Variants in WAC observed in about 807,000 individuals in gnomAD.
WAC encodes the protein WW domain containing adaptor with coiled-coil.
A neutral mutation model predicts 79.6 loss-of-function variants in WAC; 11 were observed. The ratio of observed to expected loss-of-function variants is 0.14; its 90% confidence interval spans 0.09 to 0.23. The LOEUF (loss-of-function observed/expected upper bound fraction) is 0.23. WAC is among the 10% of genes least tolerant of loss of function. WAC has a pLI of 1.00. For missense variants in WAC, 728 were observed against 773.5 expected (o/e 0.94, Z 0.70); for synonymous variants, 304 against 276.9 (o/e 1.10, Z -0.97).
intron 3 of WAC, among the ~76,000 whole-genome samples, chr10:28,557,330 T>C (rs142516032): frequency 6.6e-6 from 1 of 152,320 alleles, no homozygotes; most frequent in Non-Finnish European, 1.5e-5. Context: ...CTGTCAATAT[T>C]ATACAGTGTC....
intron 3 of WAC, among the ~76,000 whole-genome samples, chr10:28,543,495 C>G (rs764982031): frequency 9.2e-5 from 14 of 152,294 alleles, no homozygotes; most frequent in Non-Finnish European, 1.9e-4. Context: ...GTTTAATTGC[C>G]ACATGTGAAT....
At chr10:28,594,974 A>G (rs1179564587) in intron 6 of WAC, among the ~76,000 whole-genome samples, 1 of 152,198 alleles carries the variant, frequency 6.6e-6, no homozygotes. Flanking sequence ...TTCTGAGCTT[A>G]AAGTATTTTT....
At chr10:28,598,718 G>A (rs1840495830) in intron 7 of WAC, among the ~76,000 whole-genome samples, 1 of 152,182 alleles carries the variant, frequency 6.6e-6, no homozygotes, top group African/African-American at 2.4e-5. Flanking sequence ...AAAACCAAAT[G>A]TAATGAAAGA....
intron 3 of WAC, among the ~76,000 whole-genome samples, chr10:28,581,674 C>T (rs1373891566): frequency 6.6e-6 from 1 of 152,134 alleles, no homozygotes; most frequent in Non-Finnish European, 1.5e-5. Flanking sequence ...CATGCTCCTG[C>T]CTCAGCCTCC....
chr10:28,590,632 T>C, intron 5 of WAC, 88 bp from the exon 6 acceptor site: 1 of 1,055,718 alleles, frequency 9.5e-7, no homozygotes, highest in Non-Finnish European at 1.4e-6. Context: ...TGTATACCAT[T>C]TGTTAGGCAT....
intron 3 of WAC, among the ~76,000 whole-genome samples, chr10:28,568,817 C>T (rs1838791958): frequency 6.6e-6 from 1 of 152,146 alleles, no homozygotes; most frequent in African/African-American, 2.4e-5. Flanking sequence ...CATGATCCGC[C>T]CACCTTGGCC....
chr10:28,533,482 G>A lies in WAC; in HGVS notation c.-98G>A. The A allele has an allele frequency of 2.7e-6, 2 of 733,518 alleles. No homozygotes were observed. Among genetic ancestry groups the A allele is most frequent in the Non-Finnish European group, 3.4e-6 (2 of 589,440 alleles). The allele number at this position is 733,518 out of a possible 1,614,324, so 45.4% of individuals were successfully genotyped here. A position where few individuals can be genotyped will look rare whatever the true frequency, so the allele number is the denominator to read the frequency against. ...AGGGCGCGCCGGGCCCAGGTGCCGGGGCTGCCCGCCGCCCGCCGCCGCCGC... is the reference window on the plus strand; with the variant it reads ...AGGGCGCGCCGGGCCCAGGTGCCGGAGCTGCCCGCCGCCCGCCGCCGCCGC... On this transcript the variant is annotated 5_prime_UTR_variant, in exon 1 of 14. Coordinates refer to ENST00000354911, the MANE Select transcript of WAC (RefSeq NM_016628.5).
At chr10:28,557,504 T>C (rs1011907587) in intron 3 of WAC, among the ~76,000 whole-genome samples, 3 of 152,084 alleles carry the variant, frequency 2.0e-5, no homozygotes, top group Non-Finnish European at 2.9e-5. Context: ...AAGACCCACC[T>C]GAACATAGTG....
chr10:28,533,774 G>T, intron 1 of WAC, 154 bp downstream of exon 1: 1 of 994,952 alleles, frequency 1.0e-6, no homozygotes. Flanking sequence ...GGGCGGGCGG[G>T]CGGGAACGCA....
In WAC at chr10:28,619,585, T is replaced by C. The variant is rs1358341491; in HGVS notation, c.1923T>C (p.Asn641=). The C allele has an allele frequency of 3.2e-6, 5 of 1,578,862 alleles. No homozygotes were observed. Among genetic ancestry groups the C allele is most frequent in the Non-Finnish European group, 4.3e-6 (5 of 1,171,160 alleles). Residue 641 remains asparagine, a synonymous_variant, in exon 14 of 14, where the codon AAT becomes AAC. Coordinates refer to ENST00000354911, the MANE Select transcript of WAC (RefSeq NM_016628.5). ...QQIKELEKLK[N]QNSFMV is the part of the protein sequence containing the mutation. ...TTAAGGAACTTGAAAAGCTAAAAAA[T>C]CAGAATTCCTTCATGGTGTGAAGAT...
intron 3 of WAC, among the ~76,000 whole-genome samples, chr10:28,563,058 A>C (rs1455727971): frequency 2.6e-5 from 4 of 152,156 alleles, no homozygotes; most frequent in African/African-American, 9.7e-5. Context: ...CTCTTTCAGC[A>C]TGACTCTTTT....
At chr10:28,540,158 A>G (rs1195895967) in intron 3 of WAC, among the ~76,000 whole-genome samples, 1 of 152,248 alleles carries the variant, frequency 6.6e-6, no homozygotes, top group Non-Finnish European at 1.5e-5. Flanking sequence ...GAAAGTAAGT[A>G]TACAAATTAA....
chr10:28,617,719 T>G lies in WAC; in HGVS notation c.1809T>G (p.Thr603=). 6.3e-7 allele frequency: 1 copy of G among 1,598,952 alleles called. No homozygotes were observed. Among genetic ancestry groups the G allele is most frequent in the Admixed American group, 1.8e-5 (1 of 56,790 alleles). ...MGTIHMSEIC[T]ELKNLRSLVR... ...CTATTCACATGTCCGAAATTTGTAC[T>G]GAATTAAAAAATTTAAGATCTTTAG... The change falls in exon 13 of 14, where the codon ACT becomes ACG. Residue 603 remains threonine, a synonymous_variant. Transcript: ENST00000354911.
At chr10:28,552,702 T>C (rs1316548275) in intron 3 of WAC, among the ~76,000 whole-genome samples, 1 of 152,168 alleles carries the variant, frequency 6.6e-6, no homozygotes, top group African/African-American at 2.4e-5. Context: ...CATTTAGGAT[T>C]GTATGCTGGT....
chr10:28,556,733 T>C (rs1838018441), intron 3 of WAC, among the ~76,000 whole-genome samples: 1 of 152,114 alleles, frequency 6.6e-6, no homozygotes, highest in Non-Finnish European at 1.5e-5. Context: ...GAGTTACTGA[T>C]TGTATATGGT....
At chr10:28,608,942 G>T (rs1207069428) in intron 8 of WAC, among the ~76,000 whole-genome samples, 1 of 152,090 alleles carries the variant, frequency 6.6e-6, no homozygotes, top group Non-Finnish European at 1.5e-5. Flanking sequence ...TTTTCCTGGT[G>T]AATTGCATTA....
rs373044212 is a variant in WAC at position 28,535,820 on chromosome 10, G to T, written c.274+63G>T. On this transcript the variant is annotated intron_variant, in intron 3 of 13. Coordinates refer to ENST00000354911, the MANE Select transcript of WAC (RefSeq NM_016628.5). ...TTAACAATAGCTCTATATAAAAGGC[G>T]GCAGTAGTATTTCTAGCTTGAAGAA... 4 of 1,364,106 alleles carry T rather than the reference G, an allele frequency of 2.9e-6. No homozygotes were observed. In the Admixed American group the frequency reaches 6.9e-5, roughly 24 times the overall value. The allele number at this position is 1,364,106 out of a possible 1,614,324, so 84.5% of individuals were successfully genotyped here. A position where few individuals can be genotyped will look rare whatever the true frequency, so the allele number is the denominator to read the frequency against.
At chr10:28,601,236 CAT>C (rs1287075551) in intron 7 of WAC, among the ~76,000 whole-genome samples, 8 of 152,162 alleles carry the variant, frequency 5.3e-5, no homozygotes, top group Admixed American at 3.3e-4. Context: ...CAACACGGTT[CAT>C]AAATGGGCAA....
chr10:28,534,476 A>C (rs1479027992), intron 2 of WAC: 1 of 160,132 alleles, frequency 6.2e-6, no homozygotes, highest in African/African-American at 2.4e-5. Context: ...TCGGTTATAA[A>C]GTACTACCCT....
Sources: allele counts gnomAD v4.1 joint callset (sites outside exome capture counted in the v4.1 genomes callset), GRCh38; gene constraint gnomAD v4.1.1; transcripts MANE v1.5; gene names NCBI Gene and HGNC (gene_info 2026-07-23, HGNC 2026-07-21).